Variants in FRMD6 observed in about 807,000 individuals in gnomAD.
FRMD6 encodes FERM domain-containing protein 6.
In FRMD6, 37 loss-of-function variants were observed where a neutral mutation model predicts 73.2. The ratio of observed to expected loss-of-function variants is 0.51; its 90% CI spans 0.39 to 0.66. The LOEUF (loss-of-function observed/expected upper bound fraction) is 0.66, where lower values mean the gene tolerates loss of function less well. Among genes scored for constraint, FRMD6 ranks in the 30% least tolerant of loss-of-function variants. The probability of loss-of-function intolerance (pLI) is 0.00; values close to 1 mark genes in which losing one functional copy is unlikely to be tolerated. For synonymous variants in FRMD6, 273 were observed against 282.2 expected (o/e 0.97, Z 0.33); for missense variants, 714 against 780.5 (o/e 0.91, Z 1.02).
chr14:51,566,334 A>G (rs1027579597), intron 1 of FRMD6, among the ~76,000 whole-genome samples: 1 of 152,244 alleles, frequency 6.6e-6, no homozygotes, highest in East Asian at 1.9e-4. Context: ...GCAAACAGTA[A>G]AGAATCGATT....
intron 7 of FRMD6, among the ~76,000 whole-genome samples, 199 bp from the exon 8 acceptor site, chr14:51,711,332 C>A (rs1323232272): frequency 6.6e-6 from 1 of 152,124 alleles, no homozygotes; most frequent in African/African-American, 2.4e-5. Context: ...ATATACCATT[C>A]TTGATTTAAT....
At chr14:51,654,615 CA>C (rs1450182420) in intron 1 of FRMD6, among the ~76,000 whole-genome samples, 3 of 149,500 alleles carry the variant, frequency 2.0e-5, no homozygotes, top group Non-Finnish European at 4.4e-5. Context: ...AACCTGCAAA[CA>C]ATTATTTTAT....
In FRMD6 at chr14:51,689,835, C is replaced by T. The variant is rs745395256; in HGVS notation, c.-2C>T. 4 of 1,605,314 alleles carry T rather than the reference C, an allele frequency of 2.5e-6. No homozygotes were observed. The East Asian group carries it at 8.9e-5, about 36-fold the overall frequency. Reference sequence around the variant, plus strand: ...CCTGACCACCAGAGTGCCCAAAACACAATGAACAAATTGAATTTTCATAAC... The same window carrying T: ...CCTGACCACCAGAGTGCCCAAAACATAATGAACAAATTGAATTTTCATAAC... On this transcript the variant is annotated 5_prime_UTR_variant, in exon 2 of 14. Coordinates refer to ENST00000344768, the MANE Select transcript of FRMD6 (RefSeq NM_001267046.2).
the FRMD6 span, among the ~76,000 whole-genome samples, chr14:51,411,520 T>C: frequency 2.2e-4 from 33 of 152,284 alleles, no homozygotes; most frequent in Admixed American, 3.9e-4. Context: ...CCCCCTTACA[T>C]TGGGGGCAGC....
At chr14:51,417,646 A>G in the FRMD6 span, among the ~76,000 whole-genome samples, 1,971 of 152,182 alleles carry the variant, frequency 0.013, 39 homozygotes, top group African/African-American at 0.045. Context: ...TGCTCTTCTC[A>G]AGGAGTATCT....
chr14:51,570,402 T>A (rs1956823117), exon 2 of FRMD6: 1 of 152,196 alleles, frequency 6.6e-6, no homozygotes, highest in Non-Finnish European at 1.5e-5. Context: ...ACTTGTCAAA[T>A]TTCATCAGGT....
chr14:51,553,452 G>C (rs1287226331), intron 1 of FRMD6, among the ~76,000 whole-genome samples: 2 of 152,152 alleles, frequency 1.3e-5, no homozygotes, highest in Non-Finnish European at 1.5e-5. Context: ...GCTTTATGAG[G>C]GAAATGGGTA....
intron 2 of FRMD6, among the ~76,000 whole-genome samples, chr14:51,634,513 G>C (rs17589730): frequency 0.23 from 34,737 of 152,036 alleles, 4,251 homozygotes; most frequent in Middle Eastern, 0.36. Context: ...AAATTAAATT[G>C]CTGAGTCTGA....
chr14:51,503,674 GT>G (rs1212703871), intron 1 of FRMD6, among the ~76,000 whole-genome samples: 1 of 106,196 alleles, frequency 9.4e-6, no homozygotes, highest in Non-Finnish European at 1.9e-5. Context: ...TTGGGCTGAA[GT>G]TTTTTGTTTT....
chr14:51,417,107 A>G, the FRMD6 span, among the ~76,000 whole-genome samples: 1 of 152,112 alleles, frequency 6.6e-6, no homozygotes, highest in Admixed American at 6.5e-5. Flanking sequence ...ACTGTACCCA[A>G]TTTGCCAGTC....
chr14:51,478,261 G>A, the FRMD6 span, among the ~76,000 whole-genome samples: 2 of 152,160 alleles, frequency 1.3e-5, no homozygotes, highest in African/African-American at 2.4e-5. Context: ...AATAAGCTGA[G>A]GCTTTAAGAA....
At chr14:51,695,638 A>G (rs984477199) in intron 2 of FRMD6, among the ~76,000 whole-genome samples, 5 of 152,218 alleles carry the variant, frequency 3.3e-5, no homozygotes, top group African/African-American at 1.2e-4. Flanking sequence ...ACAGGGAATC[A>G]GATTCCTGCC....
intron 1 of FRMD6, among the ~76,000 whole-genome samples, chr14:51,534,925 C>T (rs192268633): frequency 9.9e-5 from 15 of 152,266 alleles, no homozygotes; most frequent in Admixed American, 7.2e-4. Flanking sequence ...CCGGGGCAGC[C>T]GCTCAATTAG....
chr14:51,400,088 AT>A, the FRMD6 span, among the ~76,000 whole-genome samples: 2 of 152,218 alleles, frequency 1.3e-5, no homozygotes, highest in African/African-American at 4.8e-5. Flanking sequence ...CACAGTCATC[AT>A]CTCAAATATC....
chr14:51,685,865 G>T (rs1397003810), intron 1 of FRMD6, among the ~76,000 whole-genome samples: 1 of 152,144 alleles, frequency 6.6e-6, no homozygotes, highest in Non-Finnish European at 1.5e-5. Context: ...TTACCGTACT[G>T]TGTGTGTAAC....
At chr14:51,636,397 G>C (rs1023291227) in intron 2 of FRMD6, among the ~76,000 whole-genome samples, 1 of 152,180 alleles carries the variant, frequency 6.6e-6, no homozygotes, top group South Asian at 2.1e-4. Context: ...AGGAAAGCTG[G>C]TGGAGATCAC....
chr14:51,655,093 A>C (rs1182287641), intron 1 of FRMD6, among the ~76,000 whole-genome samples: 1 of 152,138 alleles, frequency 6.6e-6, no homozygotes, highest in East Asian at 1.9e-4. Flanking sequence ...CCTCAATAGA[A>C]TCCTACTGTA....
chr14:51,606,050 T>C (rs1890244818), intron 2 of FRMD6, among the ~76,000 whole-genome samples: 1 of 152,180 alleles, frequency 6.6e-6, no homozygotes, highest in Non-Finnish European at 1.5e-5. Context: ...AGAAAGTGTG[T>C]TCTCTCCAGG....
At chr14:51,523,693 A>T (rs534389607) in intron 1 of FRMD6, among the ~76,000 whole-genome samples, 1 of 152,308 alleles carries the variant, frequency 6.6e-6, no homozygotes, top group South Asian at 2.1e-4. Context: ...GAACTCCCCT[A>T]ACACATGATA....
Sources: gnomAD v4.1 joint callset for allele counts (sites outside exome capture counted in the v4.1 genomes callset) on GRCh38, gnomAD v4.1.1 for gene constraint, MANE v1.5 for transcripts, NCBI Gene and HGNC (gene_info 2026-07-23, HGNC 2026-07-21) for gene names.